LOC122455340: variants seen among roughly 807,000 people sequenced by gnomAD.
the LOC122455340 span, chr12:53,242,549 C>T: frequency 2.5e-6 from 1 of 397,338 alleles, no homozygotes; most frequent in Non-Finnish European, 4.4e-6. Flanking sequence ...TCAGCTGGAC[C>T]CCTCCCTCAA....
chr12:53,242,184 T>A, the LOC122455340 span: 3 of 401,428 alleles, frequency 7.5e-6, no homozygotes, highest in South Asian at 3.7e-4. Flanking sequence ...CTGCCCTGCC[T>A]GTCCTCCCTT....
At chr12:53,242,500 C>T in the LOC122455340 span, 1 of 398,264 alleles carries the variant, frequency 2.5e-6, no homozygotes, top group Non-Finnish European at 4.4e-6. Context: ...TACTGCTGCC[C>T]TGGCAAGGAG....
the LOC122455340 span, chr12:53,242,254 C>T: frequency 2.5e-6 from 1 of 399,936 alleles, no homozygotes; most frequent in Non-Finnish European, 4.4e-6. Flanking sequence ...TGCTGCCACC[C>T]CTCACCCTGC....
At chr12:53,242,418 C>T in the LOC122455340 span, 12 of 398,098 alleles carry the variant, frequency 3.0e-5, no homozygotes, top group Non-Finnish European at 4.9e-5. Flanking sequence ...ACGCACTTCT[C>T]GGGGGCGCTG....
At chr12:53,242,650 T>C in the LOC122455340 span, 1 of 381,766 alleles carries the variant, frequency 2.6e-6, no homozygotes, top group Non-Finnish European at 4.6e-6. Context: ...TCCTGCTGGT[T>C]CCAGAACCTC....
At chr12:53,242,419 G>A in the LOC122455340 span, 9 of 398,260 alleles carry the variant, frequency 2.3e-5, no homozygotes, top group South Asian at 2.6e-4. Context: ...CGCACTTCTC[G>A]GGGGCGCTGT....
the LOC122455340 span, chr12:53,242,322 A>C: frequency 2.5e-6 from 1 of 398,214 alleles, no homozygotes; most frequent in African/African-American, 2.1e-5. Flanking sequence ...TTTAGGCTGC[A>C]GTGATAGCTG....
At chr12:53,242,125 C>T in the LOC122455340 span, 1 of 401,050 alleles carries the variant, frequency 2.5e-6, no homozygotes. Context: ...GCTCCCTGCC[C>T]CGCTTGTCCC....
chr12:53,241,929 TTC>T, the LOC122455340 span: 1 of 398,456 alleles, frequency 2.5e-6, no homozygotes, highest in African/African-American at 2.1e-5. Context: ...CTGAATGGAC[TTC>T]TCTCTGGGCC....
chr12:53,242,466 T>G, the LOC122455340 span: 1 of 398,012 alleles, frequency 2.5e-6, no homozygotes, highest in Non-Finnish European at 4.4e-6. Flanking sequence ...ACCAGGAGAC[T>G]GTCAGTTTCC....
At chr12:53,242,583 C>G in the LOC122455340 span, 1 of 396,914 alleles carries the variant, frequency 2.5e-6, no homozygotes, top group Non-Finnish European at 4.4e-6. Flanking sequence ...GCTGGCTTTC[C>G]CCAGTCCTGG....
chr12:53,242,352 G>A, the LOC122455340 span: 3 of 398,158 alleles, frequency 7.5e-6, no homozygotes, highest in Non-Finnish European at 1.3e-5. Flanking sequence ...CCAAGGGGCT[G>A]CCTGGGGACC....
At chr12:53,242,255 C>G in the LOC122455340 span, 2 of 399,862 alleles carry the variant, frequency 5.0e-6, no homozygotes, top group Admixed American at 4.4e-5. Flanking sequence ...GCTGCCACCC[C>G]TCACCCTGCC....
the LOC122455340 span, chr12:53,242,035 G>A: frequency 1.5e-5 from 6 of 399,532 alleles, no homozygotes; most frequent in Admixed American, 8.8e-5. Context: ...TGTCTGTCCT[G>A]TCCCCCATCT....
chr12:53,242,322 A>G, the LOC122455340 span: 2 of 398,214 alleles, frequency 5.0e-6, no homozygotes, highest in Non-Finnish European at 8.8e-6. Flanking sequence ...TTTAGGCTGC[A>G]GTGATAGCTG....
At chr12:53,242,163 T>C in the LOC122455340 span, 1 of 400,960 alleles carries the variant, frequency 2.5e-6, no homozygotes, top group Non-Finnish European at 4.4e-6. Context: ...CTGCACCTGC[T>C]CTTGCCCCCG....
chr12:53,242,225 C>T, the LOC122455340 span: 1 of 400,114 alleles, frequency 2.5e-6, no homozygotes. Context: ...GTGTCTCATG[C>T]TCCGGTCCAC....
the LOC122455340 span, chr12:53,242,687 G>T: frequency 4.3e-5 from 15 of 346,828 alleles, no homozygotes; most frequent in African/African-American, 2.7e-4. Flanking sequence ...GGAATGGAAG[G>T]TGTTCTTCTC....
At chr12:53,242,410 G>A in the LOC122455340 span, 42 of 397,380 alleles carry the variant, frequency 1.1e-4, no homozygotes, top group African/African-American at 2.1e-4. Context: ...GGACAACAAC[G>A]CACTTCTCGG....
Sources: gnomAD v4.1 joint callset for allele counts on GRCh38, gnomAD v4.1.1 for gene constraint, MANE v1.5 for transcripts.